NTNG2: variants seen among roughly 807,000 people sequenced by gnomAD.
NTNG2 encodes netrin-G2.
A neutral mutation model predicts 47.6 loss-of-function variants in NTNG2; 15 were observed. The ratio of observed to expected loss-of-function variants is 0.32; its 90% CI spans 0.21 to 0.49. NTNG2 has a LOEUF of 0.49. Among genes scored for constraint, NTNG2 ranks in the 20% least tolerant of loss-of-function variants. The pLI, the probability that NTNG2 is intolerant of heterozygous loss-of-function variation, is 0.99. For synonymous variants in NTNG2, 307 were observed against 324.6 expected (o/e 0.95, Z 0.58); for missense variants, 578 against 764.6 (o/e 0.76, Z 2.88).
At chr9:132,185,352 G>A (rs547951364) in intron 2 of NTNG2, among the ~76,000 whole-genome samples, 1 of 152,284 alleles carries the variant, frequency 6.6e-6, no homozygotes, top group Admixed American at 6.5e-5. Flanking sequence ...CTGGGGAGGG[G>A]ATCCGAGGAG....
intron 3 of NTNG2, among the ~76,000 whole-genome samples, chr9:132,207,366 C>T (rs944059519): frequency 1.2e-4 from 19 of 152,190 alleles, no homozygotes; most frequent in Admixed American, 6.5e-5. Flanking sequence ...CTCCGCCCTC[C>T]GCTCGCTCCT....
chr9:132,243,061 A>T lies in NTNG2; in HGVS notation c.*950A>T, dbSNP rs1589580354. The T allele has an allele frequency of 1.1e-5, 1 of 93,038 alleles. No homozygotes were observed. The highest frequency in any genetic ancestry group is 2.1e-5 in the Non-Finnish European group (1 of 47,328). The allele number at this position is 93,038 out of a possible 1,614,324, so 5.8% of individuals were successfully genotyped here. On this transcript the variant is annotated 3_prime_UTR_variant, in exon 8 of 8. Coordinates refer to ENST00000393229, the MANE Select transcript of NTNG2 (RefSeq NM_032536.4). Reference sequence around the variant, plus strand: ...CCCCACCTGTTAGGAGCCTCCCCACACTGAAAGGCTGCCTCCCTCCTTTCC... The same window carrying T: ...CCCCACCTGTTAGGAGCCTCCCCACTCTGAAAGGCTGCCTCCCTCCTTTCC...
chr9:132,177,035 G>A (rs980478936), intron 2 of NTNG2, among the ~76,000 whole-genome samples: 2 of 152,316 alleles, frequency 1.3e-5, no homozygotes, highest in Admixed American at 1.3e-4. Context: ...TGTCACCTGG[G>A]CTGGAGTGCA....
Position 132,166,723 on chromosome 9 carries a change from C to T in NTNG2, c.-109C>T. On this transcript the variant is annotated 5_prime_UTR_variant, in exon 2 of 8. Transcript: ENST00000393229. Reference sequence around the variant, plus strand: ...CGGGTCCCTGGGACACCCCGGCCACCCTCGCCTGGTAGATGTGGCATTTCC... The same window carrying T: ...CGGGTCCCTGGGACACCCCGGCCACTCTCGCCTGGTAGATGTGGCATTTCC... 5 of 1,043,044 alleles carry T rather than the reference C, an allele frequency of 4.8e-6. No homozygotes were observed. The highest frequency in any genetic ancestry group is 1.3e-5 in the South Asian group (1 of 76,168). 64.6% of individuals were successfully genotyped at this position (1,043,044 alleles called of 1,614,324 possible).
Position 132,241,035 on chromosome 9 carries a change from G to A in NTNG2, c.1348G>A (p.Gly450Ser). 3 of 1,601,378 alleles carry A rather than the reference G, an allele frequency of 1.9e-6. No individual in the cohort carries two copies. The highest frequency in any genetic ancestry group is 2.5e-6 in the Non-Finnish European group (3 of 1,177,382). ...CCTCCCCACGCACTACTGGCGCCAG[G>A]GCTGCTACCGTGAGTGCGCGCCGTC... ...DCLPTHYWRQ[G>S]CYPNVCDDDQ... The change falls in exon 7 of 8, where the codon GGC (glycine) becomes AGC (serine). Residue 450 changes from glycine (G) to serine (S), a missense_variant. Transcript: ENST00000393229.
intron 3 of NTNG2, among the ~76,000 whole-genome samples, chr9:132,206,212 A>G (rs1192874898): frequency 6.6e-6 from 1 of 152,172 alleles, no homozygotes; most frequent in Non-Finnish European, 1.5e-5. Flanking sequence ...GTGGGTTTCA[A>G]TCATCCATGG....
intron 2 of NTNG2, among the ~76,000 whole-genome samples, chr9:132,185,864 AGGAGGAGGAGTGGG>A (rs1427403677): frequency 6.8e-6 from 1 of 147,636 alleles, no homozygotes; most frequent in African/African-American, 2.5e-5. Flanking sequence ...GAGTGGGAGG[AGGAGGAGGAGTGGG>A]AGGAGGAGGA....
At chr9:132,220,019 G>T (rs1177163161) in intron 3 of NTNG2, among the ~76,000 whole-genome samples, 1 of 152,298 alleles carries the variant, frequency 6.6e-6, no homozygotes. Context: ...CCGTCTTTTT[G>T]ACTCTGCCTA....
At position 132,193,075 on chromosome 9, in the gene NTNG2, A is replaced by G. The variant is rs10123357; in HGVS notation, c.214-4891A>G. Among the ~76,000 whole-genome samples, 1,250 of 152,306 alleles carry G rather than the reference A, an allele frequency of 8.2e-3. 24 individuals carry two copies. The highest frequency in any genetic ancestry group is 0.028 in the African/African-American group (1,147 of 41,568). ...TGAGGGATACCCTGTCCCCCGCCAC[A>G]ATGCCCCCACCCCATAGAACCCATC... is the stretch of plus-strand genomic sequence containing the variant. On this transcript the variant is annotated intron_variant, in intron 2 of 7. Transcript: ENST00000393229.
intron 4 of NTNG2, among the ~76,000 whole-genome samples, chr9:132,227,359 G>A (rs938780806): frequency 6.6e-6 from 1 of 152,188 alleles, no homozygotes; most frequent in African/African-American, 2.4e-5. Flanking sequence ...TCCAGCCCTG[G>A]TCCACAGGGA....
At position 132,173,133 on chromosome 9, in the gene NTNG2, T is replaced by C. The variant is rs558692844; in HGVS notation, c.213+6089T>C. On this transcript the variant is annotated intron_variant, in intron 2 of 7. Coordinates refer to ENST00000393229, the MANE Select transcript of NTNG2 (RefSeq NM_032536.4). ...AGTCCCTGTTCTGTGGGATTTGCGA[T>C]TGGATGAAGCCGGGAGGTTTGCACA... Among the ~76,000 whole-genome samples the C allele has an allele frequency of 1.3e-4, 20 of 152,242 alleles. No homozygotes were observed. In the East Asian group the frequency reaches 3.1e-3, roughly 24 times the overall value.
intron 2 of NTNG2, among the ~76,000 whole-genome samples, chr9:132,174,681 A>G (rs1341614185): frequency 6.6e-6 from 1 of 152,058 alleles, no homozygotes; most frequent in Non-Finnish European, 1.5e-5. Context: ...CAGCTCTGTG[A>G]GAGGCTGAGG....
chr9:132,186,148 CCTAT>C (rs1837365561), intron 2 of NTNG2, among the ~76,000 whole-genome samples: 1 of 152,204 alleles, frequency 6.6e-6, no homozygotes, highest in Non-Finnish European at 1.5e-5. Context: ...TGGGGTTTCA[CCTAT>C]CTGCCTTCTG....
chr9:132,192,630 G>A (rs1331620374), intron 2 of NTNG2, among the ~76,000 whole-genome samples: 1 of 152,100 alleles, frequency 6.6e-6, no homozygotes, highest in African/African-American at 2.4e-5. Context: ...GAAGGAAAGT[G>A]AGAGGAAGCA....
intron 2 of NTNG2, among the ~76,000 whole-genome samples, chr9:132,187,185 C>T (rs578242968): frequency 1.3e-5 from 2 of 152,366 alleles, no homozygotes; most frequent in Admixed American, 1.3e-4. Flanking sequence ...GGGCGGTCGC[C>T]GTGGCTTTGG....
At chr9:132,187,633 T>A (rs1837506436) in intron 2 of NTNG2, among the ~76,000 whole-genome samples, 1 of 149,224 alleles carries the variant, frequency 6.7e-6, no homozygotes, top group Admixed American at 6.7e-5. Flanking sequence ...GAGGGAGAGC[T>A]CAGAGAGTTA....
intron 2 of NTNG2, among the ~76,000 whole-genome samples, chr9:132,189,967 T>TTTTA (rs1445206591): frequency 6.8e-6 from 1 of 146,192 alleles, no homozygotes; most frequent in African/African-American, 2.5e-5. Flanking sequence ...TTTAAGAAGG[T>TTTTA]TTTAGCCTGT....
chr9:132,235,521 G>A (rs1312819675), intron 5 of NTNG2, among the ~76,000 whole-genome samples: 1 of 152,220 alleles, frequency 6.6e-6, no homozygotes, highest in African/African-American at 2.4e-5. Context: ...TGTAGACAGA[G>A]CCTCTCCTTA....
intron 7 of NTNG2, chr9:132,241,466 G>A: frequency 3.0e-6 from 1 of 331,486 alleles, no homozygotes. Flanking sequence ...GTGCCTGGTG[G>A]GAACTACGAG....
Sources: allele counts gnomAD v4.1 joint callset (sites outside exome capture counted in the v4.1 genomes callset), GRCh38; gene constraint gnomAD v4.1.1; transcripts MANE v1.5; gene names NCBI Gene and HGNC (gene_info 2026-07-23, HGNC 2026-07-21).